PARP8: variants seen among roughly 807,000 people sequenced by gnomAD.
The protein encoded by PARP8 is poly(ADP-ribose) polymerase family member 8.
Under a neutral mutation model 124.1 loss-of-function variants are expected in PARP8, and 51 were observed. The observed-to-expected ratio is 0.41, with a 90% CI of 0.33 to 0.52. The LOEUF (loss-of-function observed/expected upper bound fraction) is 0.52, where lower values mean the gene tolerates loss of function less well. Ranked by LOEUF, PARP8 falls within the 20% of genes least tolerant of loss-of-function variation. PARP8 has a pLI of 0.21. For synonymous variants in PARP8, 391 were observed against 361.5 expected (o/e 1.08, Z -0.93); for missense variants, 860 against 1,018.9 (o/e 0.84, Z 2.12).
chr5:50,666,382 G>A (rs1470602245), upstream of PARP8: 1 of 152,156 alleles, frequency 6.6e-6, no homozygotes, highest in Non-Finnish European at 1.5e-5. Context: ...TCATAAAAGT[G>A]ATGGGGGGAG....
intron 2 of PARP8, among the ~76,000 whole-genome samples, chr5:50,705,278 T>C (rs1444777690): frequency 1.3e-5 from 2 of 152,152 alleles, no homozygotes; most frequent in African/African-American, 2.4e-5. Context: ...CTGGCTCTGC[T>C]ATGAAGAAAA....
rs565972324 is a variant in PARP8, at chr5:50,828,663, T to G, written c.2163+279T>G. Among the ~76,000 whole-genome samples the G allele has an allele frequency of 9.9e-5, 15 of 152,112 alleles. No homozygotes were observed. In the South Asian group the frequency reaches 3.1e-3, roughly 31 times the overall value. On this transcript the variant is annotated intron_variant, in intron 21 of 25. Coordinates refer to ENST00000281631, the MANE Select transcript of PARP8 (RefSeq NM_024615.4). ...GGGAAGCTGAGGCGGGCAGATCGCTTGAGGCCAGGAGTTTGAGACCAGCCT... is the reference window on the plus strand; with the variant it reads ...GGGAAGCTGAGGCGGGCAGATCGCTGGAGGCCAGGAGTTTGAGACCAGCCT...
chr5:50,836,472 ACC>A (rs1747595373), intron 25 of PARP8, among the ~76,000 whole-genome samples: 1 of 152,178 alleles, frequency 6.6e-6, no homozygotes, highest in South Asian at 2.1e-4. Context: ...ATCTATTAGC[ACC>A]AGAGCTGTTA....
intron 2 of PARP8, among the ~76,000 whole-genome samples, chr5:50,715,888 A>G (rs1172372638): frequency 6.6e-6 from 1 of 152,070 alleles, no homozygotes; most frequent in Non-Finnish European, 1.5e-5. Flanking sequence ...CTTCATACAT[A>G]ATGGGTAAAG....
At chr5:50,693,267 A>G (rs1414013037) in intron 2 of PARP8, among the ~76,000 whole-genome samples, 1 of 152,112 alleles carries the variant, frequency 6.6e-6, no homozygotes, top group African/African-American at 2.4e-5. Context: ...GCCTTTTCTT[A>G]CCCTTAGTAC....
intron 25 of PARP8, among the ~76,000 whole-genome samples, chr5:50,837,526 G>A (rs1351722568): frequency 6.6e-6 from 1 of 152,062 alleles, no homozygotes; most frequent in Non-Finnish European, 1.5e-5. Context: ...CTGGATGTTA[G>A]AAGCTTTGCC....
At chr5:50,750,061 G>T in intron 2 of PARP8, 90 bp from the exon 3 acceptor site, 2 of 975,650 alleles carry the variant, frequency 2.0e-6, no homozygotes, top group South Asian at 1.4e-5. Context: ...ATAACTGAAT[G>T]GGTAACATGG....
Position 50,666,792 on chromosome 5 carries a change from A to G in PARP8, c.-304A>G, listed in dbSNP as rs1749325936. 9.6e-7 allele frequency: 1 copy of G among 1,038,918 alleles called. No homozygotes were observed. The highest frequency in any genetic ancestry group is 1.2e-6 in the Non-Finnish European group (1 of 820,036). The allele number at this position is 1,038,918 out of a possible 1,614,324, so 64.4% of individuals were successfully genotyped here. A position where few individuals can be genotyped will look rare whatever the true frequency, so the allele number is the denominator to read the frequency against. The stretch of plus-strand genomic sequence containing the variant: ...CGTTGGTCCGGGCGGGTGAGGGAGA[A>G]AGTGAGACTTGGTGTCATCACCATC... On this transcript the variant is annotated 5_prime_UTR_variant, in exon 1 of 26. Transcript: ENST00000281631.
At chr5:50,796,348 T>G (rs909281737) in intron 12 of PARP8, among the ~76,000 whole-genome samples, 1 of 152,220 alleles carries the variant, frequency 6.6e-6, no homozygotes, top group Non-Finnish European at 1.5e-5. Context: ...ACTGTATATT[T>G]ATTATCTGAA....
chr5:50,783,216 G>A (rs542228358), intron 9 of PARP8, among the ~76,000 whole-genome samples: 3 of 152,114 alleles, frequency 2.0e-5, no homozygotes, highest in South Asian at 2.1e-4. Flanking sequence ...GGGAGATGGG[G>A]TAGAAGGGAG....
At chr5:50,828,088 C>T in intron 20 of PARP8, 32 bp downstream of exon 20, 1 of 1,448,716 alleles carries the variant, frequency 6.9e-7, no homozygotes. Flanking sequence ...TGGGGGTGTG[C>T]TCCCATTAAC....
At chr5:50,686,343 C>A (rs1169065951) in intron 2 of PARP8, among the ~76,000 whole-genome samples, 3 of 152,198 alleles carry the variant, frequency 2.0e-5, no homozygotes, top group Non-Finnish European at 1.5e-5. Flanking sequence ...TACACTAAGG[C>A]AAGAAGTGGG....
In PARP8 at chr5:50,666,832, G is replaced by T. The variant is rs4324624; in HGVS notation, c.-264G>T. 2.3e-6 allele frequency: 3 copies of T among 1,314,744 alleles called. No homozygotes were observed. The highest frequency in any genetic ancestry group is 1.6e-5 in the South Asian group (1 of 63,340). 81.4% of individuals were successfully genotyped at this position (1,314,744 alleles called of 1,614,324 possible). A position where few individuals can be genotyped will look rare whatever the true frequency, so the allele number is the denominator to read the frequency against. On this transcript the variant is annotated 5_prime_UTR_variant, in exon 1 of 26. Coordinates refer to ENST00000281631, the MANE Select transcript of PARP8 (RefSeq NM_024615.4). ...TCATCACCATCCATTGTCAGAAGGG[G>T]AGGAAATTGGAATCCAGCAGCGGCG...
chr5:50,679,876 G>A (rs1751078164), intron 2 of PARP8, among the ~76,000 whole-genome samples: 1 of 152,140 alleles, frequency 6.6e-6, no homozygotes, highest in Non-Finnish European at 1.5e-5. Context: ...GCTTACTTGA[G>A]TAACTAATGT....
chr5:50,789,418 G>A (rs1290629521), intron 10 of PARP8, among the ~76,000 whole-genome samples: 1 of 152,116 alleles, frequency 6.6e-6, no homozygotes, highest in South Asian at 2.1e-4. Context: ...ACAGAACTTT[G>A]GGACCCACTG....
chr5:50,718,277 G>C (rs1042242649), intron 2 of PARP8, among the ~76,000 whole-genome samples: 1 of 152,002 alleles, frequency 6.6e-6, no homozygotes, highest in Non-Finnish European at 1.5e-5. Context: ...AACAATTTTA[G>C]TGTAAAATTA....
chr5:50,830,906 G>A (rs1248670976), intron 22 of PARP8, among the ~76,000 whole-genome samples: 1 of 152,066 alleles, frequency 6.6e-6, no homozygotes, highest in Admixed American at 6.6e-5. Flanking sequence ...CCTGAATGGT[G>A]AGTCTTAATA....
intron 2 of PARP8, among the ~76,000 whole-genome samples, chr5:50,696,937 G>A (rs1314149663): frequency 6.6e-6 from 1 of 152,044 alleles, no homozygotes; most frequent in African/African-American, 2.4e-5. Flanking sequence ...ATGGTAGTGA[G>A]ACCCAACAAC....
At chr5:50,814,155 C>T (rs561989267) in intron 14 of PARP8, among the ~76,000 whole-genome samples, 1 of 152,066 alleles carries the variant, frequency 6.6e-6, no homozygotes, top group Admixed American at 6.6e-5. Context: ...GCATTTGACA[C>T]TATCGTAAAT....
Sources: gnomAD v4.1 joint callset for allele counts (sites outside exome capture counted in the v4.1 genomes callset) on GRCh38, gnomAD v4.1.1 for gene constraint, MANE v1.5 for transcripts, NCBI Gene and HGNC (gene_info 2026-07-23, HGNC 2026-07-21) for gene names.